DCHS2: variants seen among roughly 807,000 people sequenced by gnomAD.
DCHS2 encodes the protein protocadherin-23.
In DCHS2, 142 loss-of-function variants were observed where a neutral mutation model predicts 182.4. The observed-to-expected ratio is 0.78, with a 90% CI of 0.68 to 0.89. DCHS2 has a LOEUF of 0.89. Ranked by LOEUF, DCHS2 falls within the 40% of genes least tolerant of loss-of-function variation. DCHS2 has a pLI of 0.00. For synonymous variants in DCHS2, 1,740 were observed against 1,663.3 expected (o/e 1.05, Z -1.12); for missense variants, 4,319 against 4,198.6 (o/e 1.03, Z -0.79).
At chr4:154,374,027 T>C in intron 2 of DCHS2, 3 of 997,684 alleles carry the variant, frequency 3.0e-6, no homozygotes, top group Non-Finnish European at 3.0e-6. Flanking sequence ...AAAAAAAAAC[T>C]TGCTTATATA....
At chr4:154,337,277 C>T (rs1728854982) in intron 3 of DCHS2, among the ~76,000 whole-genome samples, 1 of 152,150 alleles carries the variant, frequency 6.6e-6, no homozygotes, top group East Asian at 1.9e-4. Flanking sequence ...TATATTCTTC[C>T]AGAGCTACCA....
Position 154,266,560 on chromosome 4 carries a change from G to A in DCHS2, c.6577+3340C>T, listed in dbSNP as rs559503197. 7.7e-4 allele frequency among the ~76,000 whole-genome samples: 117 copies of A among 151,776 alleles called. 5 individuals are homozygous for A. In the South Asian group the frequency reaches 0.023, roughly 30 times the overall value. On this transcript the variant is annotated intron_variant, in intron 14 of 19. Coordinates refer to ENST00000357232, the MANE Select transcript of DCHS2 (RefSeq NM_001358235.2). The stretch of plus-strand genomic sequence containing the variant: ...AGTCCTAGCTACTTGGGAGGCTGAT[G>A]CAGGAGAATCGCTTGAACCCAGGAG...
intron 1 of DCHS2, among the ~76,000 whole-genome samples, chr4:154,378,495 G>GGAAGGAAGGAAGGAAGGAAGGAA (rs1579025431): frequency 2.2e-5 from 1 of 45,134 alleles, no homozygotes; most frequent in Non-Finnish European, 5.3e-5. Flanking sequence ...GAGGGAGGGA[G>GGAAGGAAGGAAGGAAGGAAGGAA]GGTGGGAAGG....
Position 154,255,600 on chromosome 4 carries a change from T to G in DCHS2, c.6860A>C (p.Glu2287Ala). Residue 2287 changes from glutamate to alanine, a missense_variant, in exon 16 of 20, where the codon GAA (glutamate) becomes GCA (alanine). Coordinates refer to ENST00000357232, the MANE Select transcript of DCHS2 (RefSeq NM_001358235.2). ...IEYSILSGNQEEAFQIDALSG... is the reference protein window; with the variant it reads ...IEYSILSGNQAEAFQIDALSG... Reference sequence around the variant, plus strand: ...CAGTGCATCAATCTGGAATGCTTCTTCTTGGTTGCCAGACAGAATAGAATA... The same window carrying G: ...CAGTGCATCAATCTGGAATGCTTCTGCTTGGTTGCCAGACAGAATAGAATA... 6.2e-7 allele frequency: 1 copy of G among 1,614,060 alleles called. No individual in the cohort carries two copies. Among genetic ancestry groups the G allele is most frequent in the Non-Finnish European group, 8.5e-7 (1 of 1,179,978 alleles).
intron 2 of DCHS2, among the ~76,000 whole-genome samples, chr4:154,376,241 T>G (rs1730886109): frequency 6.6e-6 from 1 of 152,104 alleles, no homozygotes; most frequent in African/African-American, 2.4e-5. Flanking sequence ...ATTTTATATG[T>G]CAATTAAAAA....
In DCHS2 at chr4:154,232,986, C is replaced by A. The variant is rs1731265221; in HGVS notation, c.*1550G>T. 6.6e-6 allele frequency: 1 copy of A among 152,050 alleles called. No individual in the cohort carries two copies. The highest frequency in any genetic ancestry group is 1.5e-5 in the Non-Finnish European group (1 of 67,990). 9.4% of individuals were successfully genotyped at this position (152,050 alleles called of 1,614,324 possible). A position where few individuals can be genotyped will look rare whatever the true frequency, so the allele number is the denominator to read the frequency against. On this transcript the variant is annotated 3_prime_UTR_variant, in exon 20 of 20. Coordinates refer to ENST00000357232, the MANE Select transcript of DCHS2 (RefSeq NM_001358235.2). The stretch of plus-strand genomic sequence containing the variant: ...AGGAAGCTGTAGAATTACTTATCTA[C>A]AAAACCAGACATCAAACACTGCACC...
Position 154,236,261 on chromosome 4 carries a change from A to G in DCHS2, c.8391T>C (p.Asp2797=), listed in dbSNP as rs765745460. The G allele has an allele frequency of 8.0e-5, 129 of 1,613,988 alleles. No homozygotes were observed. The highest frequency in any genetic ancestry group is 1.1e-4 in the Non-Finnish European group (125 of 1,179,982). ...AGGTCAATTCTCCATACGGACCAGC[A>G]TCAAAATCCAGAGCATTTATAGAGC... The part of the protein sequence containing the change: ...TICSINALDF[D]AGPYGELTYS... The change falls in exon 20 of 20, where the codon GAT becomes GAC. Residue 2797 remains aspartate (D), a synonymous_variant. Transcript: ENST00000357232.
At chr4:154,271,091 G>T (rs1733568824) in intron 13 of DCHS2, among the ~76,000 whole-genome samples, 1 of 152,150 alleles carries the variant, frequency 6.6e-6, no homozygotes, top group African/African-American at 2.4e-5. Context: ...AATTAGCAAG[G>T]ACTGATAGAG....
At chr4:154,473,740 G>A (rs1735572859) in intron 1 of DCHS2, among the ~76,000 whole-genome samples, 1 of 152,170 alleles carries the variant, frequency 6.6e-6, no homozygotes, top group Admixed American at 6.5e-5. Context: ...GCAGCAGAGA[G>A]ATACGGCCCC....
chr4:154,391,271 T>G (rs1166696400), intron 1 of DCHS2: 1 of 1,605,164 alleles, frequency 6.2e-7, no homozygotes, highest in Non-Finnish European at 8.5e-7. Context: ...CTTCATTCTC[T>G]GATTTCGTTA....
chr4:154,236,694 A>T lies in DCHS2; in HGVS notation c.7958T>A (p.Ile2653Lys), dbSNP rs768893945. 2.6e-5 allele frequency: 42 copies of T among 1,613,854 alleles called. 1 individual carries two copies. The South Asian group carries it at 4.5e-4, about 17-fold the overall frequency. The change falls in exon 20 of 20, where the codon ATA becomes AAA. Residue 2653 changes from isoleucine (I) to lysine (K), a missense_variant. By Grantham distance (102) the Ile-to-Lys change is moderately radical (BLOSUM62 -3). Coordinates refer to ENST00000357232, the MANE Select transcript of DCHS2 (RefSeq NM_001358235.2). ...PPLSSTAVIS[I>K]QVLDVNDNPP... ...ATTGTCATTGACATCAAGTACTTGT[A>T]TTGATATGACAGCTGTGGAACTCAA...
At chr4:154,312,020 G>T (rs1034032865) in intron 10 of DCHS2, among the ~76,000 whole-genome samples, 1 of 151,728 alleles carries the variant, frequency 6.6e-6, no homozygotes, top group Non-Finnish European at 1.5e-5. Context: ...TATATATATA[G>T]AGAAAATTTA....
At chr4:154,247,671 A>AGG (rs1560981724) in intron 16 of DCHS2, among the ~76,000 whole-genome samples, 1 of 141,892 alleles carries the variant, frequency 7.0e-6, no homozygotes, top group Non-Finnish European at 1.5e-5. Context: ...AAAAAAAAAA[A>AGG]AGAATTAGAA....
At chr4:154,488,596 G>A (rs1020890067) in intron 1 of DCHS2, among the ~76,000 whole-genome samples, 4 of 76,630 alleles carry the variant, frequency 5.2e-5, no homozygotes, top group Admixed American at 1.7e-4. Context: ...GCCTCATAAA[G>A]CTGTTAAAAA....
At chr4:154,440,788 G>A (rs1409767067) in intron 1 of DCHS2, among the ~76,000 whole-genome samples, 1 of 152,040 alleles carries the variant, frequency 6.6e-6, no homozygotes, top group Non-Finnish European at 1.5e-5. Flanking sequence ...AAAGAACACA[G>A]TATTAAAGAA....
intron 19 of DCHS2, 182 bp from the exon 20 acceptor site, chr4:154,237,341 G>A: frequency 3.7e-6 from 3 of 805,152 alleles, no homozygotes; most frequent in South Asian, 3.0e-5. Flanking sequence ...TTTATAACAT[G>A]TAAGATACAG....
At chr4:154,389,096 G>A (rs1007529257) in intron 1 of DCHS2, among the ~76,000 whole-genome samples, 1 of 152,156 alleles carries the variant, frequency 6.6e-6, no homozygotes, top group Non-Finnish European at 1.5e-5. Flanking sequence ...ATTTTAGCAT[G>A]AAAGAGCCGT....
intron 1 of DCHS2, among the ~76,000 whole-genome samples, chr4:154,458,700 T>C (rs1440896605): frequency 6.6e-6 from 1 of 152,226 alleles, no homozygotes; most frequent in Non-Finnish European, 1.5e-5. Flanking sequence ...TATACAAATA[T>C]GTGCAGATAT....
intron 1 of DCHS2, among the ~76,000 whole-genome samples, chr4:154,467,451 A>G (rs1735284247): frequency 6.6e-6 from 1 of 152,124 alleles, no homozygotes; most frequent in South Asian, 2.1e-4. Context: ...CTAAATACAT[A>G]CTCTATAGCC....
Sources: allele counts gnomAD v4.1 joint callset (sites outside exome capture counted in the v4.1 genomes callset), GRCh38; gene constraint gnomAD v4.1.1; transcripts MANE v1.5; gene names NCBI Gene and HGNC (gene_info 2026-07-23, HGNC 2026-07-21).